Variants in CFAP299 observed in about 807,000 individuals in gnomAD.
The protein encoded by CFAP299 is cilia- and flagella-associated protein 299.
A neutral mutation model predicts 27.0 loss-of-function variants in CFAP299; 21 were observed. That is an observed-to-expected ratio of 0.78 (90% CI 0.55 to 1.12). CFAP299 has a LOEUF of 1.12. Ranked by LOEUF, CFAP299 falls within the 50% of genes most tolerant of loss-of-function variation. CFAP299 has a pLI of 0.00. For missense variants in CFAP299, 310 were observed against 276.6 expected, an observed-to-expected ratio of 1.12 and a Z score of -0.86; for synonymous variants, 104 against 98.1, an observed-to-expected ratio of 1.06 and a Z score of -0.36.
At chr4:80,581,453 GAT>G (rs70944794) in intron 2 of CFAP299, among the ~76,000 whole-genome samples, 2,135 of 102,872 alleles carry the variant, frequency 0.021, 37 homozygotes, top group Middle Eastern at 0.034. Context: ...TATTAAGTGA[GAT>G]ATATATATAT....
chr4:80,325,369 A>G, the CFAP299 span, among the ~76,000 whole-genome samples: 7 of 152,224 alleles, frequency 4.6e-5, no homozygotes, highest in African/African-American at 1.4e-4. Flanking sequence ...ATCTATTTAT[A>G]ACAACTTTTC....
At chr4:80,893,684 AC>A (rs1329266006) in intron 4 of CFAP299, among the ~76,000 whole-genome samples, 2 of 151,524 alleles carry the variant, frequency 1.3e-5, no homozygotes, top group Non-Finnish European at 2.9e-5. Context: ...AAGAAATTGG[AC>A]CCTTATCTTG....
chr4:80,687,794 G>A (rs1347948620), intron 3 of CFAP299, among the ~76,000 whole-genome samples: 1 of 152,138 alleles, frequency 6.6e-6, no homozygotes, highest in Non-Finnish European at 1.5e-5. Flanking sequence ...ATCTCACTAG[G>A]GAGTGTCAGA....
intron 3 of CFAP299, among the ~76,000 whole-genome samples, chr4:80,782,556 G>C (rs9683476): frequency 4.4e-4 from 61 of 137,620 alleles, no homozygotes; most frequent in Middle Eastern, 3.9e-3. Context: ...ATAACATATT[G>C]ATATATAATA....
At chr4:80,958,993 A>C (rs774938396) in intron 5 of CFAP299, among the ~76,000 whole-genome samples, 1 of 152,194 alleles carries the variant, frequency 6.6e-6, no homozygotes, top group Non-Finnish European at 1.5e-5. Context: ...ACTGTTGTGG[A>C]CTTATTACTA....
Position 80,852,317 on chromosome 4 carries a change from A to G in CFAP299, c.334-17676A>G, listed in dbSNP as rs74779638. Among the ~76,000 whole-genome samples, 378 of 152,158 alleles carry G rather than the reference A, an allele frequency of 2.5e-3. 1 individual carries two copies. Among genetic ancestry groups the G allele is most frequent in the African/African-American group, 8.6e-3 (357 of 41,524 alleles). ...TCATCCCAGACCTACTGAATCTGAA[A>G]CTCTGGGGATGGGACTCAGCAATCT... On this transcript the variant is annotated intron_variant, in intron 3 of 5. Transcript: ENST00000358105.
intron 3 of CFAP299, among the ~76,000 whole-genome samples, chr4:80,655,574 G>T (rs1036574327): frequency 1.3e-5 from 2 of 152,000 alleles, no homozygotes; most frequent in African/African-American, 4.8e-5. Context: ...ATTTTTCAAG[G>T]GTATGGGAAT....
At chr4:80,541,245 T>A (rs1412492981) in intron 2 of CFAP299, among the ~76,000 whole-genome samples, 1 of 152,212 alleles carries the variant, frequency 6.6e-6, no homozygotes, top group Non-Finnish European at 1.5e-5. Flanking sequence ...ATAATTTCTC[T>A]GTTTATGTGA....
At chr4:80,784,200 T>C (rs1186404213) in intron 3 of CFAP299, among the ~76,000 whole-genome samples, 1 of 152,154 alleles carries the variant, frequency 6.6e-6, no homozygotes, top group African/African-American at 2.4e-5. Context: ...GGTGTAGATA[T>C]ACTCCTTTAG....
intron 2 of CFAP299, among the ~76,000 whole-genome samples, chr4:80,490,096 T>G (rs1731037889): frequency 6.6e-6 from 1 of 152,200 alleles, no homozygotes; most frequent in African/African-American, 2.4e-5. Context: ...GCCAGCTGCT[T>G]CAGATATTAA....
chr4:80,337,688 A>G (rs1313852604), intron 1 of CFAP299, among the ~76,000 whole-genome samples: 4 of 152,194 alleles, frequency 2.6e-5, no homozygotes, highest in African/African-American at 9.7e-5. Flanking sequence ...GTGAGCCACC[A>G]CACCCAGCCC....
At chr4:80,899,877 C>T (rs1157900825) in intron 4 of CFAP299, among the ~76,000 whole-genome samples, 2 of 152,102 alleles carry the variant, frequency 1.3e-5, no homozygotes, top group African/African-American at 4.8e-5. Context: ...ACAGAATGAG[C>T]TCATAAATGC....
intron 4 of CFAP299, among the ~76,000 whole-genome samples, chr4:80,900,419 C>T (rs963209872): frequency 1.3e-5 from 2 of 151,826 alleles, no homozygotes; most frequent in African/African-American, 2.4e-5. Flanking sequence ...GTTTAAAGAA[C>T]GTGGGGAAAA....
chr4:80,799,555 T>C (rs866301242), intron 3 of CFAP299, among the ~76,000 whole-genome samples: 2 of 75,598 alleles, frequency 2.6e-5, no homozygotes, highest in Non-Finnish European at 4.5e-5. Context: ...ATATATAATA[T>C]ATTTAATAAA....
intron 2 of CFAP299, among the ~76,000 whole-genome samples, chr4:80,409,070 C>T (rs1283140295): frequency 2.7e-5 from 4 of 146,172 alleles, no homozygotes; most frequent in Non-Finnish European, 6.0e-5. Flanking sequence ...AAAATATAAA[C>T]AACTGATAAA....
chr4:80,387,833 G>T, intron 2 of CFAP299: 1 of 1,464,660 alleles, frequency 6.8e-7, no homozygotes, highest in East Asian at 2.3e-5. Flanking sequence ...GCTTCCAGGA[G>T]TCCCCTGGTA....
At chr4:80,593,179 G>C (rs960866361) in intron 3 of CFAP299, among the ~76,000 whole-genome samples, 1 of 152,136 alleles carries the variant, frequency 6.6e-6, no homozygotes, top group African/African-American at 2.4e-5. Flanking sequence ...CTCCGTTGTT[G>C]ATCTCCATTT....
At chr4:80,648,650 GAA>G (rs1468393968) in intron 3 of CFAP299, among the ~76,000 whole-genome samples, 2 of 152,034 alleles carry the variant, frequency 1.3e-5, no homozygotes, top group Non-Finnish European at 2.9e-5. Context: ...ACTACTCAAA[GAA>G]AATTGAGAAA....
At chr4:80,908,120 G>C (rs1403375215) in intron 4 of CFAP299, among the ~76,000 whole-genome samples, 1 of 152,182 alleles carries the variant, frequency 6.6e-6, no homozygotes, top group Non-Finnish European at 1.5e-5. Context: ...CTTGTTCATA[G>C]GCGTCTGAAT....
Sources: gnomAD v4.1 joint callset for allele counts (sites outside exome capture counted in the v4.1 genomes callset) on GRCh38, gnomAD v4.1.1 for gene constraint, MANE v1.5 for transcripts, NCBI Gene and HGNC (gene_info 2026-07-23, HGNC 2026-07-21) for gene names.